Variants in DPY19L1 observed in about 807,000 individuals in gnomAD.
DPY19L1 encodes protein C-mannosyl-transferase DPY19L1.
In DPY19L1, 35 loss-of-function variants were observed where a neutral mutation model predicts 96.9. That is an observed-to-expected ratio of 0.36 (90% confidence interval 0.28 to 0.48). The LOEUF is 0.48. Ranked by LOEUF, DPY19L1 falls within the 20% of genes least tolerant of loss-of-function variation. DPY19L1 has a pLI of 0.99. For synonymous variants in DPY19L1, 205 were observed against 252.6 expected, an observed-to-expected ratio of 0.81 and a Z score of 1.79; for missense variants, 521 against 777.9, an observed-to-expected ratio of 0.67 and a Z score of 3.93.
At chr7:35,037,930 T>C (rs1241325898), upstream of DPY19L1, 3 of 1,228,932 alleles carry the variant, frequency 2.4e-6, no homozygotes, top group Non-Finnish European at 3.1e-6. Context: ...AAGAGCCCTC[T>C]CGGGATCGGG....
rs1637667 is a variant in DPY19L1 at position 34,945,555 on chromosome 7, A to G, written c.1544+112T>C. 323 of 769,430 alleles carry G rather than the reference A, an allele frequency of 4.2e-4. 1 individual carries two copies. The African/African-American group carries it at 5.4e-3, about 13-fold the overall frequency. The allele number at this position is 769,430 out of a possible 1,614,324, so 47.7% of individuals were successfully genotyped here. ...GAAGGGAAATGACCACAATAAAAACATCAATTATCAAATATTAGGTACACA... is the reference window on the plus strand; with the variant it reads ...GAAGGGAAATGACCACAATAAAAACGTCAATTATCAAATATTAGGTACACA... On this transcript the variant is annotated intron_variant, in intron 16 of 21. Coordinates refer to ENST00000638088, the MANE Select transcript of DPY19L1 (RefSeq NM_001366673.1).
At chr7:35,018,717 T>TTTTTGAAGACC in intron 1 of DPY19L1, 121 bp from the exon 2 acceptor site, 1 of 826,030 alleles carries the variant, frequency 1.2e-6, no homozygotes, top group Non-Finnish European at 1.9e-6. Context: ...TACTGGGTCT[T>TTTTTGAAGACC]CAAAAAAGTC....
chr7:34,953,992 T>A (rs748757519), intron 13 of DPY19L1, among the ~76,000 whole-genome samples: 2 of 152,088 alleles, frequency 1.3e-5, no homozygotes, highest in Non-Finnish European at 2.9e-5. Flanking sequence ...ATTAATCTAG[T>A]ACAGAAAGAA....
At chr7:34,973,178 T>C (rs1342694769) in intron 8 of DPY19L1, among the ~76,000 whole-genome samples, 1 of 152,182 alleles carries the variant, frequency 6.6e-6, no homozygotes, top group Non-Finnish European at 1.5e-5. Flanking sequence ...GGATACACTA[T>C]AGCATGACCA....
chr7:35,017,985 A>G lies in DPY19L1; in HGVS notation c.324-16T>C. On this transcript the variant is annotated splice_polypyrimidine_tract_variant and intron_variant, in intron 2 of 21. Transcript: ENST00000638088. ...TATATGGCTCCTGGAAAAACAAAAC[A>G]AAGCAATAGTGTTAAAACTTACACT... 1 of 1,571,708 alleles carries G rather than the reference A, an allele frequency of 6.4e-7. No individual in the cohort carries two copies. The highest frequency in any genetic ancestry group is 8.7e-7 in the Non-Finnish European group (1 of 1,151,344).
At chr7:34,997,359 G>A (rs1296460108) in intron 6 of DPY19L1, among the ~76,000 whole-genome samples, 2 of 148,158 alleles carry the variant, frequency 1.3e-5, no homozygotes, top group Non-Finnish European at 1.5e-5. Flanking sequence ...TTGGGAGGCC[G>A]AGGCGGGCGG....
intron 1 of DPY19L1, among the ~76,000 whole-genome samples, chr7:35,027,750 A>T (rs890353436): frequency 6.6e-6 from 1 of 151,210 alleles, no homozygotes; most frequent in Non-Finnish European, 1.5e-5. Context: ...AGGCAGGAGA[A>T]TCGCTTGAAC....
chr7:35,002,117 C>A (rs1785439919), intron 6 of DPY19L1, among the ~76,000 whole-genome samples: 1 of 140,390 alleles, frequency 7.1e-6, no homozygotes, highest in African/African-American at 2.6e-5. Context: ...CAGAGCGAGA[C>A]TCCAGCTCAA....
chr7:35,026,560 T>C (rs949949967), intron 1 of DPY19L1, among the ~76,000 whole-genome samples: 4 of 152,114 alleles, frequency 2.6e-5, no homozygotes, highest in African/African-American at 9.7e-5. Flanking sequence ...TTTTAACACA[T>C]CCTTGGGTGA....
At chr7:35,032,053 C>T (rs922388411) in intron 1 of DPY19L1, among the ~76,000 whole-genome samples, 3 of 152,192 alleles carry the variant, frequency 2.0e-5, no homozygotes, top group Non-Finnish European at 2.9e-5. Context: ...CCTTATGCCA[C>T]CCCTAATATG....
intron 21 of DPY19L1, among the ~76,000 whole-genome samples, chr7:34,933,273 A>G (rs533418849): frequency 9.8e-5 from 15 of 152,320 alleles, no homozygotes; most frequent in African/African-American, 3.6e-4. Context: ...CCCAATGTGT[A>G]GTCTTTTATC....
chr7:34,930,001 C>T lies in DPY19L1; in HGVS notation c.*1572G>A, dbSNP rs566400574. On this transcript the variant is annotated 3_prime_UTR_variant, in exon 22 of 22. Transcript: ENST00000638088. ...CACACTCCTCAGCCTTTGCAGCTGA[C>T]TTATGTCAGCAAGCTGCTGCTTCCC... 1 of 152,392 alleles carries T rather than the reference C, an allele frequency of 6.6e-6. No individual in the cohort carries two copies. Among genetic ancestry groups the T allele is most frequent in the African/African-American group, 2.4e-5 (1 of 41,574 alleles). The allele number at this position is 152,392 out of a possible 1,614,324, so 9.4% of individuals were successfully genotyped here. A position where few individuals can be genotyped will look rare whatever the true frequency, so the allele number is the denominator to read the frequency against.
intron 7 of DPY19L1, among the ~76,000 whole-genome samples, chr7:34,976,908 C>T (rs753563238): frequency 3.3e-5 from 5 of 151,956 alleles, no homozygotes; most frequent in Non-Finnish European, 5.9e-5. Context: ...CTCAGCCTCC[C>T]GAGTAGCTGG....
chr7:34,996,507 C>A (rs1785287829), intron 6 of DPY19L1, among the ~76,000 whole-genome samples: 2 of 152,150 alleles, frequency 1.3e-5, no homozygotes, highest in South Asian at 2.1e-4. Context: ...CTGGAGCCTC[C>A]CTCCTAGTAT....
intron 6 of DPY19L1, among the ~76,000 whole-genome samples, chr7:35,008,380 G>A (rs1223398790): frequency 6.6e-6 from 1 of 152,144 alleles, no homozygotes; most frequent in African/African-American, 2.4e-5. Context: ...GTTAGGTCAG[G>A]TCAGGGCCAA....
chr7:35,036,082 T>G (rs1786391982), intron 1 of DPY19L1, among the ~76,000 whole-genome samples: 1 of 152,158 alleles, frequency 6.6e-6, no homozygotes, highest in Admixed American at 6.5e-5. Context: ...TATGACTGAG[T>G]GGCTTTTATT....
In DPY19L1 at chr7:34,999,523, C is replaced by T. The variant is rs531712696; in HGVS notation, c.765-9582G>A. Among the ~76,000 whole-genome samples the T allele has an allele frequency of 2.0e-5, 3 of 152,150 alleles. No homozygotes were observed. The South Asian group carries it at 6.2e-4, about 32-fold the overall frequency. The stretch of plus-strand genomic sequence containing the variant: ...CCTGGGGTCCAAAACACAATGAATC[C>T]AATGCAAGAGAGGAAAGGGGAATTC... On this transcript the variant is annotated intron_variant, in intron 6 of 21. Transcript: ENST00000638088.
chr7:34,973,464 TTA>T (rs1562812352), intron 8 of DPY19L1, 48 bp downstream of exon 8: 1 of 1,197,856 alleles, frequency 8.3e-7, no homozygotes, highest in African/African-American at 1.6e-5. Flanking sequence ...TTAAGAAATT[TTA>T]GTTAAAATTA....
intron 1 of DPY19L1, among the ~76,000 whole-genome samples, chr7:35,024,949 T>C (rs1786087339): frequency 6.6e-6 from 1 of 152,200 alleles, no homozygotes; most frequent in Admixed American, 6.5e-5. Context: ...ACTACAACCA[T>C]ATAAGATAAA....
Sources: gnomAD v4.1 joint callset for allele counts (sites outside exome capture counted in the v4.1 genomes callset) on GRCh38, gnomAD v4.1.1 for gene constraint, MANE v1.5 for transcripts, NCBI Gene and HGNC (gene_info 2026-07-23, HGNC 2026-07-21) for gene names.